Variants in MOXD1 observed in about 807,000 individuals in gnomAD.
MOXD1 encodes the protein DBH-like monooxygenase protein 1.
In MOXD1, 62 loss-of-function variants were observed where a neutral mutation model predicts 66.6. The ratio of observed to expected loss-of-function variants is 0.93; its 90% confidence interval spans 0.76 to 1.15. The LOEUF (loss-of-function observed/expected upper bound fraction) is 1.15. Ranked by LOEUF, MOXD1 falls within the 50% of genes most tolerant of loss-of-function variation. MOXD1 has a pLI of 0.00. For synonymous variants in MOXD1, 303 were observed against 281.9 expected, an observed-to-expected ratio of 1.07 and a Z score of -0.75; for missense variants, 847 against 754.6, an observed-to-expected ratio of 1.12 and a Z score of -1.44.
Position 132,372,673 on chromosome 6 carries a change from CTTTG to C in MOXD1, c.594_597del (p.Asn198LysfsTer21). On this transcript the variant is annotated frameshift_variant, in exon 4 of 12. Coordinates refer to ENST00000367963, the MANE Select transcript of MOXD1 (RefSeq NM_015529.4). LOFTEE classifies it high-confidence loss of function. ...AACATTTGGCACCAATATGTTGTATCTTTGTTTGGGATGGGGACCTGTCTTAATA... is the reference window on the plus strand; with the variant it reads ...AACATTTGGCACCAATATGTTGTATCTTTGGGATGGGGACCTGTCTTAATA... The C allele has an allele frequency of 6.2e-7, 1 of 1,613,836 alleles. No individual in the cohort carries two copies. Among genetic ancestry groups the C allele is most frequent in the Non-Finnish European group, 8.5e-7 (1 of 1,179,830 alleles).
chr6:132,313,125 G>A (rs1253011983), intron 10 of MOXD1, among the ~76,000 whole-genome samples: 1 of 151,640 alleles, frequency 6.6e-6, no homozygotes, highest in Non-Finnish European at 1.5e-5. Flanking sequence ...TTTATATATT[G>A]GCCTATATGT....
In MOXD1 at chr6:132,374,721, A is replaced by G. The variant is rs767453591; in HGVS notation, c.321T>C (p.His107=). Residue 107 remains histidine, a synonymous_variant, in exon 2 of 12, where the codon CAT becomes CAC. Coordinates refer to ENST00000367963, the MANE Select transcript of MOXD1 (RefSeq NM_015529.4). ...TGCTATTTTCCATGGCATATTCTAG[A>G]TGGTAATCTTGCTGAGCATCTTTTT... is the stretch of plus-strand genomic sequence containing the variant. ...ELKKDAQQDY[H]LEYAMENSTH... 7 of 1,613,762 alleles carry G rather than the reference A, an allele frequency of 4.3e-6. No homozygotes were observed. Among genetic ancestry groups the G allele is most frequent in the Admixed American group, 3.3e-5 (2 of 60,000 alleles).
intron 10 of MOXD1, among the ~76,000 whole-genome samples, chr6:132,301,190 G>A (rs968893838): frequency 1.9e-5 from 2 of 107,610 alleles, no homozygotes; most frequent in Non-Finnish European, 3.4e-5. Flanking sequence ...ACATGTAAAC[G>A]AATGGTATTA....
intron 4 of MOXD1, among the ~76,000 whole-genome samples, chr6:132,339,867 CTTTT>C (rs373137834): frequency 7.6e-6 from 1 of 132,348 alleles, no homozygotes; most frequent in Non-Finnish European, 1.6e-5. Flanking sequence ...AGCTACAGCT[CTTTT>C]TTTTTTTTTT....
rs936344213 is a variant in MOXD1 at position 132,297,386 on chromosome 6, A to C, written c.1678-69T>G. On this transcript the variant is annotated intron_variant, in intron 11 of 11. Transcript: ENST00000367963. ...AGGCAGCACAGTGACCAGGCCGCTC[A>C]GCTGCCCACACTTCTGCAGGGGATA... 12 of 1,496,412 alleles carry C rather than the reference A, an allele frequency of 8.0e-6. No homozygotes were observed. The African/African-American group carries it at 1.5e-4, about 19-fold the overall frequency. 92.7% of individuals were successfully genotyped at this position (1,496,412 alleles called of 1,614,324 possible). A position where few individuals can be genotyped will look rare whatever the true frequency, so the allele number is the denominator to read the frequency against.
rs1774418390 is a variant in MOXD1 at position 132,297,106 on chromosome 6, A to ATGCC, written c.*46_*47insGGCA. The ATGCC allele has an allele frequency of 6.3e-7, 1 of 1,586,858 alleles. No individual in the cohort carries two copies. Among genetic ancestry groups the ATGCC allele is most frequent in the African/African-American group, 1.4e-5 (1 of 74,002 alleles). Reference sequence around the variant, plus strand: ...CAGTCTTTAACCTGTACTTCAAATGACAGGTTCAGATCATAGAAAACATTG... The same window carrying ATGCC: ...CAGTCTTTAACCTGTACTTCAAATGATGCCCAGGTTCAGATCATAGAAAACATTG... On this transcript the variant is annotated 3_prime_UTR_variant, in exon 12 of 12. Coordinates refer to ENST00000367963, the MANE Select transcript of MOXD1 (RefSeq NM_015529.4).
At chr6:132,366,853 C>G (rs552745406) in intron 4 of MOXD1, among the ~76,000 whole-genome samples, 1 of 152,082 alleles carries the variant, frequency 6.6e-6, no homozygotes, top group Non-Finnish European at 1.5e-5. Flanking sequence ...AATCAATTTT[C>G]GAGTGGCTAT....
chr6:132,318,426 A>T (rs1775003503), intron 9 of MOXD1, among the ~76,000 whole-genome samples: 2 of 152,090 alleles, frequency 1.3e-5, no homozygotes, highest in African/African-American at 4.8e-5. Context: ...TTGGTTTTAA[A>T]CAAAATTGAG....
intron 10 of MOXD1, among the ~76,000 whole-genome samples, chr6:132,304,812 C>T (rs1485173110): frequency 6.6e-6 from 1 of 152,114 alleles, no homozygotes; most frequent in Non-Finnish European, 1.5e-5. Context: ...ACTAGATACA[C>T]ATTAAAATGG....
intron 4 of MOXD1, among the ~76,000 whole-genome samples, chr6:132,359,617 G>A (rs1437373191): frequency 6.6e-6 from 1 of 151,568 alleles, no homozygotes; most frequent in African/African-American, 2.4e-5. Context: ...CTCCCGAGTA[G>A]CTGGGACTAC....
intron 10 of MOXD1, among the ~76,000 whole-genome samples, chr6:132,304,435 C>A (rs1774640761): frequency 6.6e-6 from 1 of 152,146 alleles, no homozygotes; most frequent in Admixed American, 6.6e-5. Context: ...ACAGAGAGTC[C>A]TTCAATGCTT....
intron 7 of MOXD1, 72 bp from the exon 8 acceptor site, chr6:132,322,942 A>T (rs1775109737): frequency 7.8e-7 from 1 of 1,279,484 alleles, no homozygotes; most frequent in South Asian, 1.6e-5. Flanking sequence ...ATTCAAACAC[A>T]CTTGGAGGGA....
intron 1 of MOXD1, among the ~76,000 whole-genome samples, chr6:132,390,163 A>G (rs1257988286): frequency 1.3e-5 from 2 of 151,570 alleles, no homozygotes; most frequent in Non-Finnish European, 3.0e-5. Flanking sequence ...ACAGAAATAG[A>G]AAAGAGAGCT....
chr6:132,376,321 CAAAT>C (rs999520902), intron 1 of MOXD1, among the ~76,000 whole-genome samples: 9 of 152,218 alleles, frequency 5.9e-5, no homozygotes, highest in East Asian at 1.9e-4. Flanking sequence ...AAGTCATACT[CAAAT>C]AGATGGCATT....
intron 10 of MOXD1, among the ~76,000 whole-genome samples, chr6:132,309,364 TAA>T (rs928934752): frequency 6.6e-6 from 1 of 151,986 alleles, no homozygotes; most frequent in Non-Finnish European, 1.5e-5. Flanking sequence ...CTCAAGGAAA[TAA>T]AAGAGTACAA....
intron 4 of MOXD1, among the ~76,000 whole-genome samples, chr6:132,330,853 T>A (rs1040441304): frequency 6.6e-6 from 1 of 152,216 alleles, no homozygotes; most frequent in Non-Finnish European, 1.5e-5. Context: ...GTGGGTCGTG[T>A]CTGAATGGGC....
chr6:132,301,346 A>G (rs1050778847), intron 10 of MOXD1, among the ~76,000 whole-genome samples: 6 of 152,058 alleles, frequency 3.9e-5, no homozygotes, highest in Non-Finnish European at 5.9e-5. Flanking sequence ...GTTGACTGCA[A>G]TACACCATGG....
chr6:132,359,848 T>C (rs2114639857), intron 4 of MOXD1, among the ~76,000 whole-genome samples: 1 of 152,348 alleles, frequency 6.6e-6, no homozygotes, highest in South Asian at 2.1e-4. Context: ...AAGATAAAAT[T>C]AGTGACCCCA....
chr6:132,316,053 T>G (rs1216959360), intron 9 of MOXD1, among the ~76,000 whole-genome samples: 1 of 152,176 alleles, frequency 6.6e-6, no homozygotes, highest in Non-Finnish European at 1.5e-5. Flanking sequence ...CAGAGAATCA[T>G]AAGGATGTTT....
Sources: allele counts gnomAD v4.1 joint callset (sites outside exome capture counted in the v4.1 genomes callset), GRCh38; gene constraint gnomAD v4.1.1; transcripts MANE v1.5; gene names NCBI Gene and HGNC (gene_info 2026-07-23, HGNC 2026-07-21).